Variants in CDH13 observed in about 807,000 individuals in gnomAD.
CDH13 encodes cadherin-13.
In CDH13, 24 loss-of-function variants were observed where a neutral mutation model predicts 63.8. The observed-to-expected ratio is 0.38, with a 90% CI of 0.27 to 0.53. The LOEUF (loss-of-function observed/expected upper bound fraction) is 0.53, where lower values mean the gene tolerates loss of function less well. CDH13 is among the 20% of genes least tolerant of loss of function. CDH13 has a pLI of 0.85. For synonymous variants in CDH13, 503 were observed against 355.3 expected, an observed-to-expected ratio of 1.42 and a Z score of -4.67; for missense variants, 1,049 against 903.1, an observed-to-expected ratio of 1.16 and a Z score of -2.07.
At chr16:83,684,230 G>A (rs1016197524) in intron 10 of CDH13, among the ~76,000 whole-genome samples, 3 of 152,104 alleles carry the variant, frequency 2.0e-5, no homozygotes, top group African/African-American at 4.8e-5. Context: ...AGCTGGGCAT[G>A]GTGGTGTACC....
chr16:83,557,842 A>T (rs530011090), intron 7 of CDH13, among the ~76,000 whole-genome samples: 20 of 152,254 alleles, frequency 1.3e-4, no homozygotes, highest in African/African-American at 4.6e-4. Context: ...GTAGAGAGGC[A>T]ATTAGGGCAC....
At chr16:83,051,356 C>T (rs917336508) in intron 3 of CDH13, among the ~76,000 whole-genome samples, 2 of 152,166 alleles carry the variant, frequency 1.3e-5, no homozygotes, top group East Asian at 1.9e-4. Context: ...AATAGGTTTA[C>T]AGGAATGAGG....
chr16:83,085,819 A>T (rs568938932), intron 3 of CDH13, among the ~76,000 whole-genome samples: 1 of 152,364 alleles, frequency 6.6e-6, no homozygotes, highest in Non-Finnish European at 1.5e-5. Flanking sequence ...GCTAAGACAC[A>T]TTGAAGCTCT....
chr16:82,904,437 G>A (rs529421362), intron 2 of CDH13, among the ~76,000 whole-genome samples: 4 of 152,136 alleles, frequency 2.6e-5, no homozygotes, highest in African/African-American at 4.8e-5. Context: ...AGACACCCTC[G>A]TTGGTTCACC....
chr16:82,766,795 T>A (rs910988015), intron 1 of CDH13, among the ~76,000 whole-genome samples: 4 of 152,214 alleles, frequency 2.6e-5, no homozygotes, highest in African/African-American at 9.6e-5. Flanking sequence ...TTTGACTATA[T>A]AATATAAAAT....
At chr16:82,628,649 G>A (rs1445438996) in intron 1 of CDH13, among the ~76,000 whole-genome samples, 1 of 152,114 alleles carries the variant, frequency 6.6e-6, no homozygotes, top group African/African-American at 2.4e-5. Context: ...AGGCTTTTCT[G>A]GTTGATTATC....
chr16:82,815,352 C>A (rs9924443), intron 1 of CDH13, among the ~76,000 whole-genome samples: 58,990 of 151,892 alleles, frequency 0.39, 12,299 homozygotes, highest in African/African-American at 0.55. Flanking sequence ...GTTTCCTCAC[C>A]TGCATGATGG....
intron 8 of CDH13, among the ~76,000 whole-genome samples, chr16:83,667,252 A>G (rs1167569462): frequency 6.6e-6 from 1 of 152,174 alleles, no homozygotes; most frequent in Non-Finnish European, 1.5e-5. Context: ...ACTTGAATTC[A>G]TTTGCCCACA....
At chr16:83,102,984 G>C (rs1320064078) in intron 3 of CDH13, among the ~76,000 whole-genome samples, 3 of 86,704 alleles carry the variant, frequency 3.5e-5, no homozygotes, top group Admixed American at 1.7e-4. Context: ...GTGGAGTCCT[G>C]CTCTGTCACC....
At chr16:82,841,240 C>T (rs1443545983) in intron 1 of CDH13, among the ~76,000 whole-genome samples, 1 of 152,158 alleles carries the variant, frequency 6.6e-6, no homozygotes, top group African/African-American at 2.4e-5. Flanking sequence ...AGCTAAAGGC[C>T]ATCTAGCAGA....
At chr16:82,797,900 A>G (rs17278385) in intron 1 of CDH13, among the ~76,000 whole-genome samples, 57,350 of 151,796 alleles carry the variant, frequency 0.38, 11,979 homozygotes, top group South Asian at 0.58. Flanking sequence ...CAGCCTTCTC[A>G]GAAGACCTTT....
intron 10 of CDH13, among the ~76,000 whole-genome samples, chr16:83,745,436 C>T (rs1443317273): frequency 6.6e-6 from 1 of 152,176 alleles, no homozygotes; most frequent in Non-Finnish European, 1.5e-5. Flanking sequence ...TCTGTCAATG[C>T]TGACTGGAAG....
At chr16:83,292,111 A>G (rs2089480112) in intron 5 of CDH13, among the ~76,000 whole-genome samples, 1 of 152,202 alleles carries the variant, frequency 6.6e-6, no homozygotes, top group Non-Finnish European at 1.5e-5. Context: ...TCAGGTTGTA[A>G]CAAAACATAA....
rs971582874 is a variant in CDH13, at chr16:82,923,823, C to T, written c.157+65350C>T. The stretch of plus-strand genomic sequence containing the variant: ...TCGTCTGAATTAATTGCATTTGAAA[C>T]GAACATTGGTTGTAATTTAAGATAA... On this transcript the variant is annotated intron_variant, in intron 2 of 13. Coordinates refer to ENST00000567109, the MANE Select transcript of CDH13 (RefSeq NM_001257.5). 5.3e-4 allele frequency among the ~76,000 whole-genome samples: 81 copies of T among 152,072 alleles called. 1 individual carries two copies. Among genetic ancestry groups the T allele is most frequent in the African/African-American group, 1.8e-3 (76 of 41,374 alleles).
At chr16:82,641,244 C>G (rs1909358436) in intron 1 of CDH13, among the ~76,000 whole-genome samples, 1 of 152,200 alleles carries the variant, frequency 6.6e-6, no homozygotes, top group African/African-American at 2.4e-5. Context: ...ATTAACTTCT[C>G]TGTGCTTCCC....
chr16:82,786,415 A>G (rs2036004332), intron 1 of CDH13, among the ~76,000 whole-genome samples: 1 of 147,084 alleles, frequency 6.8e-6, no homozygotes, highest in Non-Finnish European at 1.5e-5. Flanking sequence ...TGATCCTTTG[A>G]TCCTCCAAAT....
chr16:83,714,186 C>T (rs1032855676), intron 10 of CDH13, among the ~76,000 whole-genome samples: 8 of 152,136 alleles, frequency 5.3e-5, no homozygotes, highest in African/African-American at 9.7e-5. Flanking sequence ...GCAAATCACA[C>T]GATAGTAAAT....
chr16:82,793,900 G>T (rs2036445113), intron 1 of CDH13, among the ~76,000 whole-genome samples: 1 of 152,166 alleles, frequency 6.6e-6, no homozygotes, highest in Admixed American at 6.5e-5. Flanking sequence ...GGCTGGGGCA[G>T]TAGGAGTGGA....
At position 82,632,499 on chromosome 16, in the gene CDH13, C is replaced by T. The variant is rs1163070911; in HGVS notation, c.45+5362C>T. Among the ~76,000 whole-genome samples, 5 of 152,214 alleles carry T rather than the reference C, an allele frequency of 3.3e-5. 1 individual carries two copies. Among genetic ancestry groups the T allele is most frequent in the Admixed American group, 3.3e-4 (5 of 15,286 alleles). On this transcript the variant is annotated intron_variant, in intron 1 of 13. Transcript: ENST00000567109. ...CATTGCTTCAGGTGTAAGAGTCATG[C>T]AGAGAAGTGACACGCTGCAGCTCTG...
Sources: gnomAD v4.1 joint callset for allele counts (sites outside exome capture counted in the v4.1 genomes callset) on GRCh38, gnomAD v4.1.1 for gene constraint, MANE v1.5 for transcripts, NCBI Gene and HGNC (gene_info 2026-07-23, HGNC 2026-07-21) for gene names.